OR6N1: variants seen among roughly 807,000 people sequenced by gnomAD.
OR6N1 encodes olfactory receptor family 6 subfamily N member 1.
For missense variants in OR6N1, 394 were observed against 371.7 expected (o/e 1.06, Z -0.49); for synonymous variants, 170 against 150.7 (o/e 1.13, Z -0.94).
the OR6N1 span, among the ~76,000 whole-genome samples, chr1:158,813,060 C>A: frequency 6.6e-6 from 1 of 152,116 alleles, no homozygotes; most frequent in Non-Finnish European, 1.5e-5. Context: ...TTTTAAATTA[C>A]AATTAAACAA....
At chr1:158,770,691 G>A (rs1657402795) in intron 1 of OR6N1, among the ~76,000 whole-genome samples, 2 of 152,064 alleles carry the variant, frequency 1.3e-5, no homozygotes, top group African/African-American at 4.8e-5. Context: ...GGCTAAAATA[G>A]AAGGATAAAT....
At chr1:158,822,736 T>C in the OR6N1 span, among the ~76,000 whole-genome samples, 1 of 152,202 alleles carries the variant, frequency 6.6e-6, no homozygotes, top group Non-Finnish European at 1.5e-5. Context: ...CCAGGACTTC[T>C]AGGACTACGT....
chr1:158,839,135 T>G, the OR6N1 span, among the ~76,000 whole-genome samples: 1 of 152,176 alleles, frequency 6.6e-6, no homozygotes, highest in Admixed American at 6.5e-5. Context: ...CATGTTTACC[T>G]GTTTCTTTGT....
At chr1:158,773,945 TC>T (rs1184434066), upstream of OR6N1, among the ~76,000 whole-genome samples, 2 of 152,224 alleles carry the variant, frequency 1.3e-5, no homozygotes, top group African/African-American at 4.8e-5. Context: ...TTTAAAAAGC[TC>T]CTGATTTATA....
the OR6N1 span, among the ~76,000 whole-genome samples, chr1:158,809,497 C>A: frequency 1.3e-5 from 2 of 152,104 alleles, no homozygotes; most frequent in Non-Finnish European, 2.9e-5. Context: ...AATGGTTGGC[C>A]CCATATCATA....
At chr1:158,771,766 G>T (rs1657429773) in intron 1 of OR6N1, among the ~76,000 whole-genome samples, 2 of 152,176 alleles carry the variant, frequency 1.3e-5, no homozygotes, top group Admixed American at 6.5e-5. Context: ...GATCCAGAAA[G>T]GGGAGAAGAC....
rs1302000549 is a variant in OR6N1 at position 158,765,458 on chromosome 1, TA to T, written c.*285del. The T allele has an allele frequency of 6.7e-5, 19 of 281,578 alleles. No homozygotes were observed. Among genetic ancestry groups the T allele is most frequent in the East Asian group, 4.3e-4 (7 of 16,234 alleles). 17.4% of individuals were successfully genotyped at this position (281,578 alleles called of 1,614,324 possible). ...CGTATAATAGGTAAGACACAGATTT[TA>T]AAAAAAACCTAAGTGTGATACATAA... On this transcript the variant is annotated 3_prime_UTR_variant, in exon 2 of 2. Transcript: ENST00000641846.
the OR6N1 span, among the ~76,000 whole-genome samples, chr1:158,784,997 T>A: frequency 6.6e-6 from 1 of 152,210 alleles, no homozygotes; most frequent in Non-Finnish European, 1.5e-5. Context: ...TTTCCATCAA[T>A]ATCTAGCTTT....
chr1:158,765,622 G>A lies in OR6N1; in HGVS notation c.*122C>T, dbSNP rs562831577. On this transcript the variant is annotated 3_prime_UTR_variant, in exon 2 of 2. Coordinates refer to ENST00000641846, the MANE Select transcript of OR6N1 (RefSeq NM_001005185.2). ...TAACACTGGAAGTCAGTCAGCACTT[G>A]CTGCAGCTCCACCACCCCACATAGA... The A allele has an allele frequency of 1.0e-5, 8 of 799,394 alleles. No individual in the cohort carries two copies. In the African/African-American group the frequency reaches 1.4e-4, roughly 14 times the overall value. 49.5% of individuals were successfully genotyped at this position (799,394 alleles called of 1,614,324 possible).
At chr1:158,775,292 TAGG>T (rs984000478), upstream of OR6N1, 2 of 152,040 alleles carry the variant, frequency 1.3e-5, no homozygotes, top group Admixed American at 6.6e-5. Context: ...ATCACACAAT[TAGG>T]AGGAGTGAAC....
chr1:158,786,703 T>G, the OR6N1 span, among the ~76,000 whole-genome samples: 1 of 152,098 alleles, frequency 6.6e-6, no homozygotes, highest in African/African-American at 2.4e-5. Flanking sequence ...TTGCAGCAAG[T>G]TGGATGGAGC....
At chr1:158,825,997 C>T in the OR6N1 span, among the ~76,000 whole-genome samples, 3 of 151,994 alleles carry the variant, frequency 2.0e-5, no homozygotes, top group African/African-American at 7.3e-5. Context: ...AACTAGAGGC[C>T]ATTATTCTAA....
intron 1 of OR6N1, among the ~76,000 whole-genome samples, chr1:158,770,059 C>A (rs1404941987): frequency 4.6e-5 from 7 of 152,218 alleles, no homozygotes; most frequent in Non-Finnish European, 7.3e-5. Flanking sequence ...AGAGCTGCCT[C>A]TTTCCTTTTC....
intron 1 of OR6N1, among the ~76,000 whole-genome samples, chr1:158,767,114 A>G (rs943458670): frequency 6.6e-6 from 1 of 152,196 alleles, no homozygotes; most frequent in Non-Finnish European, 1.5e-5. Context: ...GACCAAATAT[A>G]TATAATTTGA....
the OR6N1 span, among the ~76,000 whole-genome samples, chr1:158,820,519 G>T: frequency 4.0e-4 from 61 of 152,344 alleles, no homozygotes; most frequent in Non-Finnish European, 7.9e-4. Context: ...AGGTGCGTAA[G>T]AAATAAAATC....
the OR6N1 span, among the ~76,000 whole-genome samples, chr1:158,792,747 G>A: frequency 6.6e-6 from 1 of 152,172 alleles, no homozygotes; most frequent in African/African-American, 2.4e-5. Context: ...CCACTGAGAA[G>A]CCTGCTGTTA....
chr1:158,771,584 T>C (rs1657424448), intron 1 of OR6N1, among the ~76,000 whole-genome samples: 1 of 152,360 alleles, frequency 6.6e-6, no homozygotes, highest in Non-Finnish European at 1.5e-5. Flanking sequence ...TTTTAGAATA[T>C]ATGCCTTGCA....
chr1:158,777,169 G>C, upstream of OR6N1: 1 of 1,614,044 alleles, frequency 6.2e-7, no homozygotes, highest in South Asian at 1.1e-5. Flanking sequence ...CTCAGAAATG[G>C]GACACAGGAA....
At chr1:158,779,643 A>C in the OR6N1 span, among the ~76,000 whole-genome samples, 1 of 152,310 alleles carries the variant, frequency 6.6e-6, no homozygotes, top group African/African-American at 2.4e-5. Context: ...GAGACTGTAC[A>C]TTCACCTCTC....
Sources: allele counts gnomAD v4.1 joint callset (sites outside exome capture counted in the v4.1 genomes callset), GRCh38; gene constraint gnomAD v4.1.1; transcripts MANE v1.5; gene names NCBI Gene and HGNC (gene_info 2026-07-23, HGNC 2026-07-21).